The following LVRN variants were observed in gnomAD, a reference collection of about 807,000 sequenced individuals.
LVRN encodes the protein aminopeptidase Q.
In LVRN, 99 loss-of-function variants were observed where a neutral mutation model predicts 111.4. The observed-to-expected ratio is 0.89, with a 90% CI of 0.76 to 1.05. The LOEUF (loss-of-function observed/expected upper bound fraction) is 1.05, where lower values mean the gene tolerates loss of function less well. Ranked by LOEUF, LVRN falls within the 50% of genes least tolerant of loss-of-function variation. The pLI is 0.00. For missense variants in LVRN, 1,414 were observed against 1,206.8 expected (o/e 1.17, Z -2.54); for synonymous variants, 488 against 449.5 (o/e 1.09, Z -1.08).
chr5:116,014,383 G>A (rs999019054), intron 15 of LVRN, 37 bp from the exon 16 acceptor site: 1 of 1,483,080 alleles, frequency 6.7e-7, no homozygotes, highest in South Asian at 1.2e-5. Context: ...AGGTGGTAAT[G>A]CAAAATAAAC....
intron 19 of LVRN, among the ~76,000 whole-genome samples, chr5:116,023,046 C>A (rs1030444115): frequency 2.6e-5 from 4 of 152,198 alleles, no homozygotes; most frequent in Non-Finnish European, 5.9e-5. Flanking sequence ...CTGGAGAACA[C>A]TCCTCATTCC....
intron 9 of LVRN, 24 bp downstream of exon 9, chr5:116,000,682 A>G: frequency 6.2e-7 from 1 of 1,609,706 alleles, no homozygotes; most frequent in South Asian, 1.1e-5. Context: ...TTTCTGACAC[A>G]TTCTTGCTGA....
chr5:116,003,024 A>C, intron 11 of LVRN, 113 bp downstream of exon 11: 8 of 1,012,420 alleles, frequency 7.9e-6, no homozygotes, highest in Non-Finnish European at 1.0e-5. Flanking sequence ...CTAAAATATC[A>C]TTCTTGTAGA....
chr5:116,014,727 C>A (rs1018649997), intron 16 of LVRN, among the ~76,000 whole-genome samples, 200 bp downstream of exon 16: 20 of 152,164 alleles, frequency 1.3e-4, no homozygotes, highest in African/African-American at 4.8e-4. Context: ...AGAATTTATA[C>A]AATGAATTGT....
chr5:116,012,144 T>C (rs1281000434), intron 14 of LVRN, among the ~76,000 whole-genome samples: 4 of 152,200 alleles, frequency 2.6e-5, no homozygotes, highest in Non-Finnish European at 5.9e-5. Context: ...ATCCTCATAA[T>C]ACACTGTAAC....
Position 116,026,155 on chromosome 5 carries a change from T to C in LVRN, c.*37T>C, listed in dbSNP as rs767257623. On this transcript the variant is annotated 3_prime_UTR_variant, in exon 20 of 20. Transcript: ENST00000357872. ...CTTTCAGCACTCCTCTTGCATATTA[T>C]AATGTAGTTTGTTCACAGTTTTGTC... 6.2e-7 allele frequency: 1 copy of C among 1,611,834 alleles called. No homozygotes were observed. The highest frequency in any genetic ancestry group is 8.5e-7 in the Non-Finnish European group (1 of 1,179,064).
intron 1 of LVRN, among the ~76,000 whole-genome samples, chr5:115,980,582 A>T (rs183043110): frequency 1.2e-3 from 178 of 152,124 alleles, no homozygotes; most frequent in Admixed American, 1.7e-3. Context: ...CACTTTTGGA[A>T]CCTGTAAAAT....
At position 116,021,544 on chromosome 5, in the gene LVRN, C is replaced by G. The variant is rs1184731781; in HGVS notation, c.2757-847C>G. The stretch of plus-strand genomic sequence containing the variant: ...TAGAAAAACAGCAGCACTATTTTCC[C>G]TCACCTTTATTAGTATATTATGCCA... On this transcript the variant is annotated intron_variant, in intron 18 of 19. Transcript: ENST00000357872. 2.9e-5 allele frequency: 7 copies of G among 243,286 alleles called. No individual in the cohort carries two copies. In the East Asian group the frequency reaches 8.2e-4, roughly 28 times the overall value. 15.1% of individuals were successfully genotyped at this position (243,286 alleles called of 1,614,324 possible). A position where few individuals can be genotyped will look rare whatever the true frequency, so the allele number is the denominator to read the frequency against.
At chr5:115,994,092 A>G (rs898765094) in intron 6 of LVRN, among the ~76,000 whole-genome samples, 47 of 151,966 alleles carry the variant, frequency 3.1e-4, no homozygotes, top group African/African-American at 1.0e-3. Flanking sequence ...TTTTTACTTC[A>G]TATTCAACTT....
rs74676919 is a variant in LVRN at position 116,025,025 on chromosome 5, C to T, written c.2833-953C>T. Among the ~76,000 whole-genome samples, 30 of 152,276 alleles carry T rather than the reference C, an allele frequency of 2.0e-4. No homozygotes were observed. The East Asian group carries it at 5.4e-3, about 27-fold the overall frequency. On this transcript the variant is annotated intron_variant, in intron 19 of 19. Transcript: ENST00000357872. ...CCTCCTAGACATACTCTCAAGCACA[C>T]GTGAAGCCCACCTACAATCCCAAAC...
At chr5:115,970,906 T>C (rs1753311068) in intron 1 of LVRN, among the ~76,000 whole-genome samples, 1 of 152,220 alleles carries the variant, frequency 6.6e-6, no homozygotes, top group African/African-American at 2.4e-5. Flanking sequence ...GGTTAGATCA[T>C]ATGAATATTT....
intron 15 of LVRN, 122 bp downstream of exon 15, chr5:116,012,590 TTTGAG>T: frequency 3.2e-6 from 2 of 617,364 alleles, no homozygotes; most frequent in Non-Finnish European, 5.4e-6. Context: ...GCTATTATTA[TTTGAG>T]AACAATAGCT....
intron 15 of LVRN, 123 bp from the exon 16 acceptor site, chr5:116,014,297 C>G: frequency 2.9e-6 from 2 of 701,506 alleles, no homozygotes; most frequent in Admixed American, 2.9e-5. Flanking sequence ...TTAAAACAAA[C>G]CTGATGTCAT....
At chr5:115,991,682 T>C (rs1208178974) in intron 4 of LVRN, among the ~76,000 whole-genome samples, 1 of 152,234 alleles carries the variant, frequency 6.6e-6, no homozygotes, top group Non-Finnish European at 1.5e-5. Context: ...GTGTTGCCAG[T>C]ATTTTGGATT....
At chr5:115,963,333 G>T (rs1205387243) in intron 1 of LVRN, 21 bp downstream of exon 1, 4 of 1,532,428 alleles carry the variant, frequency 2.6e-6, no homozygotes, top group Non-Finnish European at 3.5e-6. Flanking sequence ...TACAGCCCGG[G>T]GCCCCTCTCG....
chr5:116,019,664 G>A (rs1748672683), intron 18 of LVRN, among the ~76,000 whole-genome samples: 1 of 152,186 alleles, frequency 6.6e-6, no homozygotes, highest in African/African-American at 2.4e-5. Flanking sequence ...TTGGTTGCTA[G>A]TTTGGTCTTG....
intron 9 of LVRN, 68 bp from the exon 10 acceptor site, chr5:116,000,999 T>G: frequency 1.3e-6 from 2 of 1,505,392 alleles, no homozygotes; most frequent in Non-Finnish European, 1.8e-6. Context: ...AGTTTCTTTT[T>G]GGAGATTGCT....
Position 116,002,856 on chromosome 5 carries a change from T to G in LVRN, c.1842T>G (p.Ile614Met). Residue 614 changes from isoleucine to methionine, a missense_variant, in exon 11 of 20, where the codon ATT (isoleucine) becomes ATG (methionine). Physicochemically the swap from Ile to Met is conservative, Grantham distance 10. Coordinates refer to ENST00000357872, the MANE Select transcript of LVRN (RefSeq NM_173800.5). ...LTSNDTWIVP[I>M]LWIKNGTTQP... ...TAAGTGACACATGGATTGTCCCTAT[T>G]CTTTGGATAAAAAATGGAACTACAC... 2 of 1,610,290 alleles carry G rather than the reference T, an allele frequency of 1.2e-6. No individual in the cohort carries two copies. Among genetic ancestry groups the G allele is most frequent in the Non-Finnish European group, 1.7e-6 (2 of 1,177,298 alleles).
At chr5:115,999,340 G>C (rs560785347) in intron 6 of LVRN, among the ~76,000 whole-genome samples, 1 of 152,206 alleles carries the variant, frequency 6.6e-6, no homozygotes, top group South Asian at 2.1e-4. Flanking sequence ...TGAGTTTGTA[G>C]ATCTGGCATG....
Sources: gnomAD v4.1 joint callset for allele counts (sites outside exome capture counted in the v4.1 genomes callset) on GRCh38, gnomAD v4.1.1 for gene constraint, MANE v1.5 for transcripts, NCBI Gene and HGNC (gene_info 2026-07-23, HGNC 2026-07-21) for gene names.